Variants in PAX2 observed in about 807,000 individuals in gnomAD.
The protein encoded by PAX2 is paired box protein Pax-2.
PAX2 carries 9 observed loss-of-function variants against 41.7 expected under a neutral mutation model. The ratio of observed to expected loss-of-function variants is 0.22; its 90% CI spans 0.13 to 0.38. PAX2 has a LOEUF of 0.38. Ranked by LOEUF, PAX2 falls within the 10% of genes least tolerant of loss-of-function variation. PAX2 has a pLI of 1.00. For synonymous variants in PAX2, 221 were observed against 212.7 expected (o/e 1.04, Z -0.34); for missense variants, 418 against 531.6 (o/e 0.79, Z 2.10).
Position 100,827,433 on chromosome 10 carries a change from G to A in PAX2, c.1109-110G>A. ...TGCCCAGCCAAGGTCTCCCAGTCCGGATCCCGCTGGACCCCAGCCAGGGGA... is the reference window on the plus strand; with the variant it reads ...TGCCCAGCCAAGGTCTCCCAGTCCGAATCCCGCTGGACCCCAGCCAGGGGA... On this transcript the variant is annotated intron_variant, in intron 9 of 9. Transcript: ENST00000355243. This position sits in a 1 kb window ranked among gnomAD's most constrained non-coding sequence, Gnocchi z 8.5. 8.8e-7 allele frequency: 1 copy of A among 1,140,082 alleles called. No homozygotes were observed. The allele number at this position is 1,140,082 out of a possible 1,614,324, so 70.6% of individuals were successfully genotyped here.
At chr10:100,823,671 C>T (rs1848444576) in intron 7 of PAX2, among the ~76,000 whole-genome samples, 1 of 151,982 alleles carries the variant, frequency 6.6e-6, no homozygotes. Flanking sequence ...CCAGGAGGTC[C>T]AGGAGAGGAT....
chr10:100,754,564 C>T (rs1845563435), intron 3 of PAX2, among the ~76,000 whole-genome samples: 1 of 152,204 alleles, frequency 6.6e-6, no homozygotes. Flanking sequence ...GGAATTCCAT[C>T]CTGTATCATT....
At chr10:100,751,054 A>G (rs568348632) in intron 3 of PAX2, among the ~76,000 whole-genome samples, 163 bp downstream of exon 3, 1 of 152,212 alleles carries the variant, frequency 6.6e-6, no homozygotes, top group South Asian at 2.1e-4. Context: ...TGAGGCAGAG[A>G]GTTAGACAGA....
intron 5 of PAX2, among the ~76,000 whole-genome samples, chr10:100,792,138 T>C (rs530789996): frequency 5.3e-5 from 8 of 152,372 alleles, no homozygotes; most frequent in Admixed American, 1.3e-4. Flanking sequence ...CCGTATTTTT[T>C]TTCCTGGTAA....
intron 7 of PAX2, among the ~76,000 whole-genome samples, chr10:100,817,511 G>A (rs569666364): frequency 7.9e-5 from 12 of 152,352 alleles, no homozygotes; most frequent in Admixed American, 6.5e-4. Context: ...GATGGAAACA[G>A]CATGACTGGT....
chr10:100,739,245 G>T (rs1317961598), intron 1 of PAX2, among the ~76,000 whole-genome samples: 1 of 152,108 alleles, frequency 6.6e-6, no homozygotes, highest in Non-Finnish European at 1.5e-5. Flanking sequence ...AGCCGCTCTC[G>T]CCCCTGGTCC....
At chr10:100,741,584 G>A (rs1184071034), upstream of PAX2, among the ~76,000 whole-genome samples, 1 of 152,160 alleles carries the variant, frequency 6.6e-6, no homozygotes, top group Non-Finnish European at 1.5e-5. Flanking sequence ...ACAGCCGAGG[G>A]TATGCGCCCT....
chr10:100,761,548 G>A (rs771054828), intron 3 of PAX2, among the ~76,000 whole-genome samples: 8 of 152,310 alleles, frequency 5.3e-5, no homozygotes, highest in South Asian at 2.1e-4. Flanking sequence ...TCCAGCATCC[G>A]AATGTGATAA....
chr10:100,758,003 C>T (rs557631966), intron 3 of PAX2, among the ~76,000 whole-genome samples: 63 of 152,216 alleles, frequency 4.1e-4, no homozygotes, highest in Middle Eastern at 6.8e-3. Flanking sequence ...ATGGCACATC[C>T]GCAATCAACC....
At position 100,748,306 on chromosome 10, in the gene PAX2, G is replaced by A. The variant is rs769214041; in HGVS notation, c.44-1440G>A. The stretch of plus-strand genomic sequence containing the variant: ...TTGGAGGGAGGGGAGGGTGAGAAGT[G>A]GGGCTAGAGATAGGGAGATTAACGG... On this transcript the variant is annotated intron_variant, in intron 1 of 9. Coordinates refer to ENST00000355243, the MANE Select transcript of PAX2 (RefSeq NM_000278.5). The surrounding 1 kb of genome is among the most constrained non-coding windows in gnomAD (Gnocchi z 5.0). The A allele has an allele frequency of 6.6e-5, 65 of 984,748 alleles. No individual in the cohort carries two copies. The highest frequency in any genetic ancestry group is 7.6e-5 in the Non-Finnish European group (63 of 829,556). 61.0% of individuals were successfully genotyped at this position (984,748 alleles called of 1,614,324 possible).
chr10:100,742,857 T>TTG, upstream of PAX2, among the ~76,000 whole-genome samples: 8 of 53,676 alleles, frequency 1.5e-4, no homozygotes, highest in African/African-American at 4.2e-4. Context: ...TTTTTTTTTT[T>TTG]TTTTTTTTTT....
At chr10:100,790,793 A>G (rs910577921) in intron 5 of PAX2, among the ~76,000 whole-genome samples, 7 of 152,134 alleles carry the variant, frequency 4.6e-5, no homozygotes, top group Admixed American at 4.6e-4. Context: ...TGCCTTCCTC[A>G]GAGCCATGGT....
At chr10:100,783,659 C>CTTTTTT (rs36041109) in intron 5 of PAX2, among the ~76,000 whole-genome samples, 2 of 118,474 alleles carry the variant, frequency 1.7e-5, no homozygotes, top group African/African-American at 3.2e-5. Flanking sequence ...GGAGTTTGGG[C>CTTTTTT]TTTTTTTTTT....
intron 5 of PAX2, among the ~76,000 whole-genome samples, chr10:100,783,589 A>C (rs564623398): frequency 6.6e-6 from 1 of 151,770 alleles, no homozygotes; most frequent in African/African-American, 2.4e-5. Flanking sequence ...TGTGGTGGAC[A>C]GTAAGGCTGA....
At position 100,810,020 on chromosome 10, in the gene PAX2, A is replaced by T. The variant is rs556013493; in HGVS notation, c.919+784A>T. On this transcript the variant is annotated intron_variant, in intron 7 of 9. Transcript: ENST00000355243. ...GACTGCCCAAATGGGAGAGACACGC[A>T]TTGAGGTGTTATTAAAATTCACCTA... is the stretch of plus-strand genomic sequence containing the variant. Among the ~76,000 whole-genome samples, 3 of 152,158 alleles carry T rather than the reference A, an allele frequency of 2.0e-5. No individual in the cohort carries two copies. In the South Asian group the frequency reaches 6.2e-4, roughly 32 times the overall value.
At chr10:100,773,539 C>T (rs183405240) in intron 3 of PAX2, among the ~76,000 whole-genome samples, 2 of 152,208 alleles carry the variant, frequency 1.3e-5, no homozygotes, top group East Asian at 1.9e-4. Flanking sequence ...CTGAGGCGGA[C>T]GGTGGATGGA....
In PAX2 at chr10:100,750,514, C is replaced by T. The variant is rs1845400695; in HGVS notation, c.213-180C>T. On this transcript the variant is annotated intron_variant, in intron 2 of 9. Transcript: ENST00000355243. The surrounding 1 kb of genome is among the most constrained non-coding windows in gnomAD (Gnocchi z 4.1). Reference sequence around the variant, plus strand: ...AGGGATGGTACCCCTTGTCCTCCTACTCCGCGGCGCTCCTCCTAGCCAGGC... The same window carrying T: ...AGGGATGGTACCCCTTGTCCTCCTATTCCGCGGCGCTCCTCCTAGCCAGGC... 6.6e-6 allele frequency among the ~76,000 whole-genome samples: 1 copy of T among 152,230 alleles called. No individual in the cohort carries two copies. The highest frequency in any genetic ancestry group is 1.5e-5 in the Non-Finnish European group (1 of 68,040).
intron 5 of PAX2, among the ~76,000 whole-genome samples, chr10:100,800,916 A>G (rs1334949268): frequency 2.0e-5 from 3 of 152,254 alleles, no homozygotes; most frequent in Non-Finnish European, 4.4e-5. Context: ...CAAAGCCTGG[A>G]TGGTATGGAA....
chr10:100,803,375 T>G (rs1225942474), intron 5 of PAX2, among the ~76,000 whole-genome samples: 1 of 151,978 alleles, frequency 6.6e-6, no homozygotes, highest in Non-Finnish European at 1.5e-5. Flanking sequence ...CCCAACCTCC[T>G]TTCCTCATTC....
Sources: allele counts gnomAD v4.1 joint callset (sites outside exome capture counted in the v4.1 genomes callset), GRCh38; gene constraint gnomAD v4.1.1; non-coding constraint Gnocchi (gnomAD v3.1); transcripts MANE v1.5; gene names NCBI Gene and HGNC (gene_info 2026-07-23, HGNC 2026-07-21).